Variants in DPP10 observed in about 807,000 individuals in gnomAD.
DPP10 encodes the protein dipeptidyl peptidase like 10.
DPP10 carries 33 observed loss-of-function variants against 120.9 expected under a neutral mutation model. The ratio of observed to expected loss-of-function variants is 0.27; its 90% CI spans 0.21 to 0.37. The LOEUF (loss-of-function observed/expected upper bound fraction) is 0.37, where lower values mean the gene tolerates loss of function less well. Among genes scored for constraint, DPP10 ranks in the 10% least tolerant of loss-of-function variants. The pLI is 1.00. For missense variants in DPP10, 816 were observed against 942.8 expected (o/e 0.87, Z 1.76); for synonymous variants, 337 against 326.1 (o/e 1.03, Z -0.36).
At chr2:115,417,536 C>G (rs1412135703) in intron 3 of DPP10, among the ~76,000 whole-genome samples, 1 of 152,088 alleles carries the variant, frequency 6.6e-6, no homozygotes, top group Non-Finnish European at 1.5e-5. Context: ...GAACTTAACA[C>G]ATACTAACTT....
At chr2:114,914,860 G>A (rs893299077) in intron 1 of DPP10, among the ~76,000 whole-genome samples, 6 of 152,168 alleles carry the variant, frequency 3.9e-5, no homozygotes, top group African/African-American at 1.2e-4. Flanking sequence ...GGCCGGGCGC[G>A]GTGGCTCACG....
chr2:114,789,450 A>C (rs555233607), intron 1 of DPP10, among the ~76,000 whole-genome samples: 1 of 152,310 alleles, frequency 6.6e-6, no homozygotes, highest in East Asian at 1.9e-4. Flanking sequence ...TCAGGAATGG[A>C]GAATAAATGA....
chr2:114,620,330 C>A (rs770113933), intron 1 of DPP10, among the ~76,000 whole-genome samples: 3 of 151,704 alleles, frequency 2.0e-5, no homozygotes, highest in African/African-American at 7.3e-5. Context: ...AAAATGAAGC[C>A]CTCTGAGTTG....
intron 1 of DPP10, among the ~76,000 whole-genome samples, chr2:115,024,049 G>A (rs1397669610): frequency 6.6e-6 from 1 of 151,896 alleles, no homozygotes; most frequent in Non-Finnish European, 1.5e-5. Context: ...CTACACACTG[G>A]GTACAGTGTA....
chr2:114,931,052 T>C (rs1696032397), intron 1 of DPP10, among the ~76,000 whole-genome samples: 1 of 152,160 alleles, frequency 6.6e-6, no homozygotes, highest in Admixed American at 6.5e-5. Flanking sequence ...AATGAATCTC[T>C]AAGAAGTTTC....
At chr2:114,543,542 CT>C (rs1363424583) in intron 1 of DPP10, among the ~76,000 whole-genome samples, 6 of 152,190 alleles carry the variant, frequency 3.9e-5, no homozygotes, top group Non-Finnish European at 7.3e-5. Context: ...TAAAGCCATA[CT>C]TTTTTTGCTG....
intron 1 of DPP10, among the ~76,000 whole-genome samples, chr2:114,866,207 T>G (rs1302956060): frequency 6.6e-6 from 1 of 151,992 alleles, no homozygotes; most frequent in East Asian, 1.9e-4. Context: ...TAAGAAAGAA[T>G]GATCATTTAT....
At chr2:115,717,822 A>G (rs932629779) in intron 7 of DPP10, among the ~76,000 whole-genome samples, 1 of 152,042 alleles carries the variant, frequency 6.6e-6, no homozygotes, top group Non-Finnish European at 1.5e-5. Context: ...CTTGCGAATA[A>G]TTTTTCAATT....
intron 11 of DPP10, among the ~76,000 whole-genome samples, chr2:115,754,235 A>G (rs1679113462): frequency 6.6e-6 from 1 of 152,160 alleles, no homozygotes; most frequent in Non-Finnish European, 1.5e-5. Context: ...TTTGGTGACT[A>G]GCATTTATAG....
intron 3 of DPP10, among the ~76,000 whole-genome samples, chr2:115,475,433 T>A: frequency 6.6e-6 from 1 of 152,172 alleles, no homozygotes; most frequent in East Asian, 1.9e-4. Context: ...AGAGAATGTA[T>A]GGAAAAGCCT....
chr2:115,728,373 T>A (rs1161987075), intron 8 of DPP10, among the ~76,000 whole-genome samples: 2 of 152,004 alleles, frequency 1.3e-5, no homozygotes, highest in African/African-American at 4.8e-5. Context: ...TATAAGCTAT[T>A]GCAGAGGGAG....
intron 3 of DPP10, among the ~76,000 whole-genome samples, chr2:115,373,279 T>G (rs2065548008): frequency 6.6e-6 from 1 of 152,202 alleles, no homozygotes; most frequent in Admixed American, 6.5e-5. Context: ...ACTATGCATC[T>G]TCCTTCAGAC....
At chr2:114,808,518 A>C (rs998602775) in intron 1 of DPP10, among the ~76,000 whole-genome samples, 2 of 151,836 alleles carry the variant, frequency 1.3e-5, no homozygotes, top group African/African-American at 4.8e-5. Flanking sequence ...TCTTGCCAAC[A>C]CAAACTGAGA....
intron 2 of DPP10, among the ~76,000 whole-genome samples, chr2:115,339,881 C>A (rs1458948957): frequency 6.6e-6 from 1 of 152,148 alleles, no homozygotes; most frequent in African/African-American, 2.4e-5. Flanking sequence ...GTGCTGGTCA[C>A]CTGTGATGCA....
At chr2:115,482,202 T>C (rs919172202) in intron 3 of DPP10, among the ~76,000 whole-genome samples, 5 of 151,986 alleles carry the variant, frequency 3.3e-5, no homozygotes, top group South Asian at 2.1e-4. Flanking sequence ...TAAAATCATA[T>C]AGCATAAAAT....
At chr2:115,017,607 C>T (rs530728597) in intron 1 of DPP10, among the ~76,000 whole-genome samples, 15 of 152,194 alleles carry the variant, frequency 9.9e-5, no homozygotes, top group Non-Finnish European at 2.1e-4. Context: ...CCAACGCAAA[C>T]GTCCAACAGT....
At chr2:115,841,709 A>T (rs1201445174) in intron 25 of DPP10, among the ~76,000 whole-genome samples, 1 of 152,252 alleles carries the variant, frequency 6.6e-6, no homozygotes. Context: ...TTTTAGAAAC[A>T]GTAACAATTT....
intron 1 of DPP10, among the ~76,000 whole-genome samples, chr2:114,897,193 T>C (rs1339293207): frequency 6.6e-6 from 1 of 152,220 alleles, no homozygotes; most frequent in Non-Finnish European, 1.5e-5. Flanking sequence ...TGGTCTAAAA[T>C]TCAATTTTTT....
intron 1 of DPP10, among the ~76,000 whole-genome samples, chr2:115,283,431 T>G (rs2060240460): frequency 6.6e-6 from 1 of 152,072 alleles, no homozygotes; most frequent in South Asian, 2.1e-4. Flanking sequence ...TACTAATTAT[T>G]TTTACTATGT....
Sources: allele counts gnomAD v4.1 joint callset (sites outside exome capture counted in the v4.1 genomes callset), GRCh38; gene constraint gnomAD v4.1.1; transcripts MANE v1.5; gene names NCBI Gene and HGNC (gene_info 2026-07-23, HGNC 2026-07-21).